Variants in GALK2 observed in about 807,000 individuals in gnomAD.
GALK2 encodes the protein galactokinase 2, also known as N-acetylgalactosamine kinase.
A neutral mutation model predicts 52.4 loss-of-function variants in GALK2; 36 were observed. The ratio of observed to expected loss-of-function variants is 0.69; its 90% CI spans 0.53 to 0.91. The LOEUF is 0.91. GALK2 is among the 40% of genes least tolerant of loss of function. The pLI is 0.00. For missense variants in GALK2, 579 were observed against 559.1 expected (o/e 1.04, Z -0.36); for synonymous variants, 176 against 199.1 (o/e 0.88, Z 0.98).
intron 5 of GALK2, among the ~76,000 whole-genome samples, chr15:49,264,638 G>A (rs1183071027): frequency 2.6e-5 from 4 of 152,150 alleles, no homozygotes; most frequent in African/African-American, 2.4e-5. Context: ...CTTTGGAGGA[G>A]GAGAGGCGCT....
rs140363204 is a variant in GALK2, at chr15:49,254,843, G to A, written c.504+15476G>A. 2.1e-3 allele frequency among the ~76,000 whole-genome samples: 296 copies of A among 144,378 alleles called. 23 individuals carry two copies. Among genetic ancestry groups the A allele is most frequent in the African/African-American group, 6.8e-3 (274 of 40,412 alleles). The allele number at this position is 144,378 out of a possible 152,430, so 94.7% of individuals were successfully genotyped here. A position where few individuals can be genotyped will look rare whatever the true frequency, so the allele number is the denominator to read the frequency against. ...ATCTCTCACACACACATGATTAGAT[G>A]TATTGTTAATGTACCACTTAAAATT... On this transcript the variant is annotated intron_variant, in intron 5 of 9. Transcript: ENST00000560031.
intron 2 of GALK2, 28 bp from the exon 3 acceptor site, chr15:49,217,162 G>T: frequency 6.3e-7 from 1 of 1,590,334 alleles, no homozygotes; most frequent in South Asian, 1.1e-5. Flanking sequence ...TATTAGCAAT[G>T]ATTAAAAAAG....
At chr15:49,311,468 A>T (rs1024611669) in intron 8 of GALK2, among the ~76,000 whole-genome samples, 5 of 152,142 alleles carry the variant, frequency 3.3e-5, no homozygotes, top group Admixed American at 6.5e-5. Context: ...TTCATGCTCC[A>T]GTAGTCAAAG....
At chr15:49,283,307 T>TA in intron 6 of GALK2, among the ~76,000 whole-genome samples, 1 of 152,210 alleles carries the variant, frequency 6.6e-6, no homozygotes, top group Non-Finnish European at 1.5e-5. Flanking sequence ...GCTACCATTG[T>TA]AACACAACTT....
intron 3 of GALK2, chr15:49,365,435 C>T: frequency 1.1e-6 from 1 of 943,516 alleles, no homozygotes; most frequent in Middle Eastern, 2.3e-4. Context: ...AAGCAACAGG[C>T]CTGTACAATA....
chr15:49,213,351 A>T (rs2089090354), intron 2 of GALK2, among the ~76,000 whole-genome samples: 2 of 151,980 alleles, frequency 1.3e-5, no homozygotes, highest in African/African-American at 4.8e-5. Flanking sequence ...TTTCTTTTTT[A>T]AAAAATTTTA....
At chr15:49,340,298 G>A (rs1243078410) in intron 3 of GALK2, among the ~76,000 whole-genome samples, 1 of 152,134 alleles carries the variant, frequency 6.6e-6, no homozygotes, top group Non-Finnish European at 1.5e-5. Flanking sequence ...CATGGGAAAA[G>A]CGCAGTATCT....
At chr15:49,225,162 G>A (rs116998841) in intron 3 of GALK2, 7,573 of 454,664 alleles carry the variant, frequency 0.017, 96 homozygotes, top group Non-Finnish European at 0.025. Context: ...TGAGGAAGCC[G>A]CCTCTGATCA....
In GALK2 at chr15:49,234,646, A is replaced by T. The variant is rs141144356; in HGVS notation, c.267-1205A>T. 2.6e-4 allele frequency among the ~76,000 whole-genome samples: 39 copies of T among 152,286 alleles called. No individual in the cohort carries two copies. The East Asian group carries it at 6.9e-3, about 27-fold the overall frequency. ...TATTCACTATCATGACAAAAGCACA[A>T]GAAAGATCCACCCCCCATGATTCAG... On this transcript the variant is annotated intron_variant, in intron 3 of 9. Coordinates refer to ENST00000560031, the MANE Select transcript of GALK2 (RefSeq NM_002044.4).
At chr15:49,361,492 T>C (rs534178673) in intron 3 of GALK2, among the ~76,000 whole-genome samples, 41 of 152,276 alleles carry the variant, frequency 2.7e-4, no homozygotes, top group African/African-American at 9.4e-4. Context: ...AGTGAGAACA[T>C]GTGGTTTTAG....
intron 1 of GALK2, among the ~76,000 whole-genome samples, chr15:49,164,537 T>C (rs780589944): frequency 6.6e-6 from 1 of 151,918 alleles, no homozygotes; most frequent in Non-Finnish European, 1.5e-5. Context: ...TCGCAGCACT[T>C]TGGGAGGCCA....
chr15:49,354,439 G>C (rs960751221), intron 3 of GALK2, among the ~76,000 whole-genome samples: 3 of 152,230 alleles, frequency 2.0e-5, no homozygotes, highest in Non-Finnish European at 2.9e-5. Flanking sequence ...CTTGGGAAGC[G>C]CAAGGGGTCA....
rs542261172 is a variant in GALK2 at position 49,257,354 on chromosome 15, A to T, written c.504+17987A>T. 8.7e-4 allele frequency among the ~76,000 whole-genome samples: 133 copies of T among 152,282 alleles called. 1 individual carries two copies. Among genetic ancestry groups the T allele is most frequent in the African/African-American group, 3.0e-3 (124 of 41,560 alleles). On this transcript the variant is annotated intron_variant, in intron 5 of 9. Transcript: ENST00000560031. ...TGTCACCTGCCTCTTACATTCTCAG[A>T]TGAAGGAGTTATTACACAGGGAGGT... is the stretch of plus-strand genomic sequence containing the variant.
At chr15:49,362,327 G>A (rs1437899964) in intron 3 of GALK2, among the ~76,000 whole-genome samples, 2 of 152,078 alleles carry the variant, frequency 1.3e-5, no homozygotes, top group African/African-American at 4.8e-5. Context: ...CTACCACCAC[G>A]TGAAGAAGGT....
At chr15:49,171,774 CTTA>C (rs1566900487) in intron 1 of GALK2, among the ~76,000 whole-genome samples, 4 of 130,992 alleles carry the variant, frequency 3.1e-5, no homozygotes, top group African/African-American at 2.6e-5. Flanking sequence ...GTAGTTTAGT[CTTA>C]TTTTTTTTTT....
rs192809144 is a variant in GALK2 at position 49,271,531 on chromosome 15, T to C, written c.505-10456T>C. On this transcript the variant is annotated intron_variant, in intron 5 of 9. Transcript: ENST00000560031. ...TGAGAGATAAAGTATAGTATTATGC[T>C]TAAAAGCATAGAACCAAGACTCTGA... Among the ~76,000 whole-genome samples the C allele has an allele frequency of 2.5e-3, 376 of 152,344 alleles. 1 individual carries two copies. The highest frequency in any genetic ancestry group is 3.9e-3 in the Non-Finnish European group (267 of 68,036).
chr15:49,194,777 T>C (rs2087066379), intron 1 of GALK2, among the ~76,000 whole-genome samples: 1 of 151,524 alleles, frequency 6.6e-6, no homozygotes, highest in African/African-American at 2.4e-5. Context: ...GTATTTATAC[T>C]AGATACAGGG....
chr15:49,367,478 T>A, intron 3 of GALK2: 1 of 1,596,838 alleles, frequency 6.3e-7, no homozygotes, highest in South Asian at 1.2e-5. Context: ...GAGTTTAATC[T>A]TGGTTTTCTT....
chr15:49,365,166 C>T (rs1009663253), intron 3 of GALK2: 6 of 759,144 alleles, frequency 7.9e-6, no homozygotes, highest in South Asian at 3.0e-5. Context: ...GGGTTTTCTT[C>T]GTTTTTTGCA....
Sources: allele counts gnomAD v4.1 joint callset (sites outside exome capture counted in the v4.1 genomes callset), GRCh38; gene constraint gnomAD v4.1.1; transcripts MANE v1.5; gene names NCBI Gene and HGNC (gene_info 2026-07-23, HGNC 2026-07-21).